RNGTT: variants seen among roughly 807,000 people sequenced by gnomAD.
RNGTT encodes the protein mRNA-capping enzyme.
A neutral mutation model predicts 79.3 loss-of-function variants in RNGTT; 33 were observed. The observed-to-expected ratio is 0.42, with a 90% confidence interval of 0.32 to 0.56. The LOEUF is 0.56. Among genes scored for constraint, RNGTT ranks in the 20% least tolerant of loss-of-function variants. The probability of loss-of-function intolerance (pLI) is 0.17; values close to 1 mark genes in which losing one functional copy is unlikely to be tolerated. For missense variants in RNGTT, 497 were observed against 739.1 expected, an observed-to-expected ratio of 0.67 and a Z score of 3.80; for synonymous variants, 222 against 235.9, an observed-to-expected ratio of 0.94 and a Z score of 0.54.
chr6:88,793,486 G>GGACA (rs1779488763), intron 12 of RNGTT, among the ~76,000 whole-genome samples: 1 of 152,204 alleles, frequency 6.6e-6, no homozygotes, highest in Non-Finnish European at 1.5e-5. Flanking sequence ...TGAACAAAAT[G>GGACA]TGACCCTTTC....
At chr6:88,714,967 C>A (rs1776456159) in intron 13 of RNGTT, among the ~76,000 whole-genome samples, 1 of 152,174 alleles carries the variant, frequency 6.6e-6, no homozygotes, top group East Asian at 1.9e-4. Flanking sequence ...CTGGCCAGGG[C>A]AATTAGCCAG....
rs528452552 is a variant in RNGTT at position 88,892,340 on chromosome 6, G to A, written c.685-425C>T. Among the ~76,000 whole-genome samples the A allele has an allele frequency of 4.6e-5, 7 of 152,138 alleles. No individual in the cohort carries two copies. The East Asian group carries it at 1.2e-3, about 25-fold the overall frequency. On this transcript the variant is annotated intron_variant, in intron 6 of 15. Transcript: ENST00000369485. ...AGTGGTAAAAGACAGAATTTGAACA[G>A]GCCTACACTATACCAACCACCAATG...
chr6:88,791,035 A>T (rs917667333), intron 12 of RNGTT, among the ~76,000 whole-genome samples: 13 of 152,166 alleles, frequency 8.5e-5, no homozygotes, highest in African/African-American at 2.9e-4. Context: ...GCGTTACATT[A>T]TATGGCAAAA....
At chr6:88,847,243 A>G (rs1011355059) in intron 10 of RNGTT, among the ~76,000 whole-genome samples, 1 of 152,190 alleles carries the variant, frequency 6.6e-6, no homozygotes, top group Non-Finnish European at 1.5e-5. Context: ...TTTGGAAGCC[A>G]GTACACTAGC....
chr6:88,948,652 G>A (rs1423543387), intron 1 of RNGTT, among the ~76,000 whole-genome samples: 15 of 137,674 alleles, frequency 1.1e-4, no homozygotes, highest in African/African-American at 2.4e-4. Flanking sequence ...TGACAATGGC[G>A]GCTTTGTGGA....
chr6:88,806,399 C>A (rs184072160), intron 11 of RNGTT, among the ~76,000 whole-genome samples: 12 of 150,512 alleles, frequency 8.0e-5, no homozygotes, highest in African/African-American at 2.9e-4. Flanking sequence ...CTCACTGCAA[C>A]CTCTGCTTCC....
intron 1 of RNGTT, among the ~76,000 whole-genome samples, chr6:88,952,956 A>C (rs747009798): frequency 8.5e-5 from 13 of 152,216 alleles, no homozygotes; most frequent in Non-Finnish European, 1.6e-4. Flanking sequence ...CCTGTGGGAC[A>C]AAAGAATCTG....
intron 13 of RNGTT, among the ~76,000 whole-genome samples, chr6:88,718,782 T>A (rs1223070674): frequency 2.0e-5 from 3 of 151,976 alleles, no homozygotes; most frequent in African/African-American, 4.8e-5. Flanking sequence ...ATCTTCCAAT[T>A]AGGAAAAAAA....
intron 13 of RNGTT, among the ~76,000 whole-genome samples, chr6:88,761,252 G>A (rs1432051436): frequency 1.3e-5 from 2 of 151,986 alleles, no homozygotes; most frequent in African/African-American, 4.8e-5. Flanking sequence ...CACTTTGGGA[G>A]GCCGAGGCAC....
intron 14 of RNGTT, among the ~76,000 whole-genome samples, chr6:88,675,417 G>T (rs1371416369): frequency 6.6e-6 from 1 of 151,962 alleles, no homozygotes; most frequent in African/African-American, 2.4e-5. Flanking sequence ...GCAGGCCAGG[G>T]GTGGTGGCTC....
intron 8 of RNGTT, among the ~76,000 whole-genome samples, chr6:88,862,319 G>A (rs1309618790): frequency 6.6e-6 from 1 of 152,106 alleles, no homozygotes; most frequent in African/African-American, 2.4e-5. Context: ...ATCACCAATG[G>A]TCAATGGTTT....
chr6:88,715,993 G>T (rs1776496948), intron 13 of RNGTT, among the ~76,000 whole-genome samples: 1 of 152,066 alleles, frequency 6.6e-6, no homozygotes, highest in East Asian at 1.9e-4. Context: ...AAGAGCTTCT[G>T]CACGGCAAAA....
At chr6:88,700,555 A>C (rs1775912211) in intron 13 of RNGTT, among the ~76,000 whole-genome samples, 1 of 152,164 alleles carries the variant, frequency 6.6e-6, no homozygotes, top group Non-Finnish European at 1.5e-5. Context: ...TTACAAGGTC[A>C]GGAAAGGTTA....
chr6:88,909,745 G>C (rs1034896600), intron 4 of RNGTT, among the ~76,000 whole-genome samples: 6 of 152,156 alleles, frequency 3.9e-5, no homozygotes, highest in Non-Finnish European at 8.8e-5. Flanking sequence ...AGCTGTGTAA[G>C]AGCCTATCTG....
At chr6:88,658,917 T>G (rs978549185) in intron 14 of RNGTT, among the ~76,000 whole-genome samples, 3 of 152,258 alleles carry the variant, frequency 2.0e-5, no homozygotes, top group African/African-American at 7.2e-5. Context: ...AAGGCTGCAC[T>G]GTCAGCTTCC....
At chr6:88,804,889 C>T (rs75466413) in intron 11 of RNGTT, among the ~76,000 whole-genome samples, 1,628 of 152,202 alleles carry the variant, frequency 0.011, 37 homozygotes, top group African/African-American at 0.037. Flanking sequence ...AGATGTTATC[C>T]CAAGCTACAA....
intron 11 of RNGTT, among the ~76,000 whole-genome samples, chr6:88,811,919 A>AC (rs35579102): frequency 1.3e-5 from 2 of 151,460 alleles, no homozygotes; most frequent in East Asian, 1.9e-4. Flanking sequence ...TAGTTTTAAA[A>AC]CCCCCCCAAA....
At chr6:88,686,393 T>G (rs915965124) in intron 13 of RNGTT, among the ~76,000 whole-genome samples, 3 of 152,010 alleles carry the variant, frequency 2.0e-5, no homozygotes, top group Non-Finnish European at 4.4e-5. Flanking sequence ...TAAAAACTCC[T>G]GACAGAATTT....
chr6:88,929,307 A>T, intron 2 of RNGTT, 40 bp from the exon 3 acceptor site: 1 of 1,284,260 alleles, frequency 7.8e-7, no homozygotes, highest in East Asian at 2.3e-5. Context: ...TTTACTAGTA[A>T]CTTAATTTGT....
Sources: allele counts gnomAD v4.1 joint callset (sites outside exome capture counted in the v4.1 genomes callset), GRCh38; gene constraint gnomAD v4.1.1; transcripts MANE v1.5; gene names NCBI Gene and HGNC (gene_info 2026-07-23, HGNC 2026-07-21).